The following KIF6 variants were observed in gnomAD, a reference collection of about 807,000 sequenced individuals.
KIF6 encodes kinesin family member 6.
Under a neutral mutation model 112.7 loss-of-function variants are expected in KIF6, and 106 were observed. The ratio of observed to expected loss-of-function variants is 0.94; its 90% CI spans 0.80 to 1.11. KIF6 has a LOEUF of 1.11. KIF6 is among the 50% of genes least tolerant of loss of function. The pLI, the probability that KIF6 is intolerant of heterozygous loss-of-function variation, is 0.00. For synonymous variants in KIF6, 339 were observed against 339.9 expected, an observed-to-expected ratio of 1.00 and a Z score of 0.03; for missense variants, 929 against 964.0, an observed-to-expected ratio of 0.96 and a Z score of 0.48.
In KIF6 at chr6:39,508,886, G is replaced by A. The variant is rs146323539; in HGVS notation, c.1645+31117C>T. On this transcript the variant is annotated intron_variant, in intron 13 of 22. Transcript: ENST00000287152. ...AAGAGAGCAGTGGCTTTCCCAGCAC[G>A]GCATTTGAGCTCTGATAACAAACAG... Among the ~76,000 whole-genome samples, 291 of 152,286 alleles carry A rather than the reference G, an allele frequency of 1.9e-3. 2 individuals carry two copies. Among genetic ancestry groups the A allele is most frequent in the African/African-American group, 6.8e-3 (282 of 41,566 alleles).
At chr6:39,638,269 A>T (rs977455389) in intron 4 of KIF6, among the ~76,000 whole-genome samples, 1 of 152,188 alleles carries the variant, frequency 6.6e-6, no homozygotes, top group Middle Eastern at 3.4e-3. Flanking sequence ...AATCCATAAG[A>T]CTGAGGCATT....
In KIF6 at chr6:39,699,318, T is replaced by G. The variant is rs149262819; in HGVS notation, c.251+15374A>C. On this transcript the variant is annotated intron_variant, in intron 3 of 22. Transcript: ENST00000287152. Reference sequence around the variant, plus strand: ...GTAGCCTGGTCAGAATGGGCCTCACTAAGAAGGTATCATTTGAACAAAGAC... The same window carrying G: ...GTAGCCTGGTCAGAATGGGCCTCACGAAGAAGGTATCATTTGAACAAAGAC... Among the ~76,000 whole-genome samples, 372 of 152,242 alleles carry G rather than the reference T, an allele frequency of 2.4e-3. 1 individual carries two copies. Among genetic ancestry groups the G allele is most frequent in the African/African-American group, 8.3e-3 (345 of 41,540 alleles).
chr6:39,429,939 A>G (rs151002224), intron 14 of KIF6, among the ~76,000 whole-genome samples: 4 of 152,104 alleles, frequency 2.6e-5, no homozygotes, highest in African/African-American at 9.6e-5. Context: ...TCTATCACCA[A>G]CTTTTTGAAG....
intron 3 of KIF6, among the ~76,000 whole-genome samples, chr6:39,682,692 G>A (rs374330985): frequency 3.3e-4 from 50 of 152,272 alleles, no homozygotes; most frequent in African/African-American, 1.2e-3. Context: ...CGATTCTCCT[G>A]CCTCAGCCTC....
intron 9 of KIF6, among the ~76,000 whole-genome samples, chr6:39,582,169 T>C (rs565502432): frequency 1.3e-5 from 2 of 152,226 alleles, no homozygotes; most frequent in Non-Finnish European, 2.9e-5. Context: ...AAGTCAAATC[T>C]AATACCAAAT....
At position 39,343,095 on chromosome 6, in the gene KIF6, A is replaced by G; in HGVS notation, c.2428+614T>C. 3 of 985,352 alleles carry G rather than the reference A, an allele frequency of 3.0e-6. No homozygotes were observed. Among genetic ancestry groups the G allele is most frequent in the Non-Finnish European group, 3.6e-6 (3 of 829,914 alleles). The allele number at this position is 985,352 out of a possible 1,614,324, so 61.0% of individuals were successfully genotyped here. ...TTGGGGATGGAAGGCAGAAAGAGAA[A>G]AGGCCCAGCCACAGCAGATGGGAGA... is the stretch of plus-strand genomic sequence containing the variant. On this transcript the variant is annotated intron_variant, in intron 22 of 22. Transcript: ENST00000287152. The surrounding 1 kb of genome is among the most constrained non-coding windows in gnomAD (Gnocchi z 4.1).
intron 13 of KIF6, among the ~76,000 whole-genome samples, chr6:39,520,973 A>T (rs1414396473): frequency 6.6e-6 from 1 of 152,198 alleles, no homozygotes; most frequent in Non-Finnish European, 1.5e-5. Context: ...TTTTTGCTAC[A>T]AACAAAGGCA....
chr6:39,583,576 A>T, intron 9 of KIF6: 1 of 444,378 alleles, frequency 2.3e-6, no homozygotes, highest in Non-Finnish European at 4.8e-6. Flanking sequence ...AGGACAAACA[A>T]TCAAGAGGAA....
chr6:39,632,260 A>G (rs1784392794), intron 5 of KIF6, among the ~76,000 whole-genome samples: 1 of 151,908 alleles, frequency 6.6e-6, no homozygotes, highest in South Asian at 2.1e-4. Flanking sequence ...GTGTCACTCA[A>G]CGGTAAGGAA....
chr6:39,346,104 CCCCT>C lies in KIF6; in HGVS notation c.2232-319_2232-316del, dbSNP rs1562113102. 1.2e-4 allele frequency among the ~76,000 whole-genome samples: 5 copies of C among 40,964 alleles called. 1 individual carries two copies. Among genetic ancestry groups the C allele is most frequent in the Non-Finnish European group, 1.8e-4 (4 of 22,838 alleles). 26.9% of individuals were successfully genotyped at this position (40,964 alleles called of 152,430 possible). The stretch of plus-strand genomic sequence containing the variant: ...TCTCTCTCCCCCCCCTCTCCCTCCC[CCCCT>C]CCCTCTCCCTCTCCCTCCCTCTCCC... On this transcript the variant is annotated intron_variant, in intron 20 of 22. Coordinates refer to ENST00000287152, the MANE Select transcript of KIF6 (RefSeq NM_145027.6).
chr6:39,560,743 A>C (rs912626885), intron 10 of KIF6, among the ~76,000 whole-genome samples: 1 of 152,180 alleles, frequency 6.6e-6, no homozygotes, highest in Non-Finnish European at 1.5e-5. Context: ...ACATCTTTGC[A>C]ACCCCACCCT....
chr6:39,653,273 A>G (rs1785580619), intron 3 of KIF6, among the ~76,000 whole-genome samples: 1 of 152,064 alleles, frequency 6.6e-6, no homozygotes, highest in Non-Finnish European at 1.5e-5. Flanking sequence ...TTATAACACC[A>G]CTATCTAGGA....
chr6:39,703,492 T>C (rs1227148351), intron 3 of KIF6, among the ~76,000 whole-genome samples: 1 of 152,198 alleles, frequency 6.6e-6, no homozygotes, highest in Non-Finnish European at 1.5e-5. Context: ...TACGTGAAAC[T>C]GCTCTTATAT....
intron 5 of KIF6, among the ~76,000 whole-genome samples, chr6:39,630,686 A>G (rs1244783690): frequency 5.3e-5 from 8 of 151,974 alleles, no homozygotes; most frequent in Admixed American, 5.3e-4. Context: ...TATTATTGCA[A>G]TTGGCTAGGA....
chr6:39,371,238 G>T (rs115063005), intron 16 of KIF6, among the ~76,000 whole-genome samples: 1 of 152,054 alleles, frequency 6.6e-6, no homozygotes, highest in African/African-American at 2.4e-5. Flanking sequence ...TCTTTCTCAC[G>T]GGGCCACCTA....
intron 13 of KIF6, among the ~76,000 whole-genome samples, chr6:39,493,695 G>A (rs2150479893): frequency 6.6e-6 from 1 of 152,300 alleles, no homozygotes; most frequent in East Asian, 1.9e-4. Flanking sequence ...TAGGTAAATT[G>A]GCTATTTTCC....
chr6:39,653,023 A>G (rs1785566672), intron 3 of KIF6, among the ~76,000 whole-genome samples: 1 of 152,212 alleles, frequency 6.6e-6, no homozygotes, highest in Non-Finnish European at 1.5e-5. Flanking sequence ...CATGTTTTTA[A>G]AATGCGAGGG....
chr6:39,626,581 C>G (rs1031741424), intron 5 of KIF6, among the ~76,000 whole-genome samples: 1 of 152,178 alleles, frequency 6.6e-6, no homozygotes, highest in Non-Finnish European at 1.5e-5. Context: ...ATAATACCTA[C>G]TTCCTTAAAT....
Position 39,586,298 on chromosome 6 carries a change from A to C in KIF6, c.953T>G (p.Met318Arg). Residue 318 changes from methionine (M) to arginine (R), a missense_variant, in exon 8 of 23, where the codon ATG becomes AGG. By Grantham distance (91) the Met-to-Arg change is moderately conservative. Coordinates refer to ENST00000287152, the MANE Select transcript of KIF6 (RefSeq NM_145027.6). ...DSLGGNCMTT[M>R]IATLSLEKRN... ...TTTCTCCAAGGAGAGTGTTGCAATC[A>C]TAGTTGTCATGCAGTTCCCTCCCAA... 6.2e-7 allele frequency: 1 copy of C among 1,614,130 alleles called. No homozygotes were observed.
Sources: gnomAD v4.1 joint callset for allele counts (sites outside exome capture counted in the v4.1 genomes callset) on GRCh38, gnomAD v4.1.1 for gene constraint, Gnocchi (gnomAD v3.1) non-coding constraint, MANE v1.5 for transcripts, NCBI Gene and HGNC (gene_info 2026-07-23, HGNC 2026-07-21) for gene names.